The following EMX2 variants were observed in gnomAD, a reference collection of about 807,000 sequenced individuals.
The protein encoded by EMX2 is empty spiracles homeobox 2.
Under a neutral mutation model 23.0 loss-of-function variants are expected in EMX2, and 6 were observed. The ratio of observed to expected loss-of-function variants is 0.26; its 90% CI spans 0.14 to 0.52. The LOEUF (loss-of-function observed/expected upper bound fraction) is 0.52, where lower values mean the gene tolerates loss of function less well. Ranked by LOEUF, EMX2 falls within the 20% of genes least tolerant of loss-of-function variation. The pLI, the probability that EMX2 is intolerant of heterozygous loss-of-function variation, is 0.97. For missense variants in EMX2, 302 were observed against 341.4 expected (o/e 0.88, Z 0.91); for synonymous variants, 175 against 153.3 (o/e 1.14, Z -1.04).
chr10:117,543,534 G>C lies in EMX2; in HGVS notation c.267G>C (p.Pro89=). The C allele has an allele frequency of 6.4e-7, 1 of 1,567,966 alleles. No individual in the cohort carries two copies. The highest frequency in any genetic ancestry group is 1.1e-5 in the South Asian group (1 of 89,902). The change falls in exon 1 of 3, where the codon CCG becomes CCC. Residue 89 remains proline (P), a synonymous_variant. Coordinates refer to ENST00000553456, the MANE Select transcript of EMX2 (RefSeq NM_004098.4). ...CCGCCGTGCCAGTGCACCCGGTGCC[G>C]CCGCCGCACGCCCTGGCCGCCCACC... ...PNPAVPVHPV[P]PPHALAAHPL...
chr10:117,543,546 C>T lies in EMX2; in HGVS notation c.279C>T (p.Ala93=). ...TGCACCCGGTGCCGCCGCCGCACGC[C>T]CTGGCCGCCCACCCCCTACCCTCCT... ...VPVHPVPPPH[A]LAAHPLPSSH... The change falls in exon 1 of 3, where the codon GCC becomes GCT. Residue 93 remains alanine (A), a synonymous_variant. Transcript: ENST00000553456. The T allele has an allele frequency of 1.2e-6, 2 of 1,611,864 alleles. No individual in the cohort carries two copies. Among genetic ancestry groups the T allele is most frequent in the South Asian group, 1.1e-5 (1 of 91,042 alleles).
At chr10:117,546,874 G>C (rs1421583071) in intron 2 of EMX2, among the ~76,000 whole-genome samples, 1 of 152,262 alleles carries the variant, frequency 6.6e-6, no homozygotes, top group Non-Finnish European at 1.5e-5. Context: ...GGAGCACTTT[G>C]GGCGACTGTG....
At position 117,545,824 on chromosome 10, in the gene EMX2, C is replaced by G; in HGVS notation, c.591+8C>G. ...AGCCTCACGGAAACTCAGGTGACTG[C>G]GGCCCGGGCGCGAGGAACCCATCTA... On this transcript the variant is annotated splice_region_variant and intron_variant, in intron 2 of 2. Transcript: ENST00000553456. The G allele has an allele frequency of 1.2e-6, 2 of 1,613,672 alleles. No individual in the cohort carries two copies. The highest frequency in any genetic ancestry group is 1.7e-6 in the Non-Finnish European group (2 of 1,180,006).
intron 1 of EMX2, 138 bp from the exon 2 acceptor site, chr10:117,545,494 C>A: frequency 9.3e-7 from 1 of 1,072,432 alleles, no homozygotes; most frequent in Non-Finnish European, 1.3e-6. Flanking sequence ...CTTGGGAGGA[C>A]CACCGGCCCC....
Position 117,548,268 on chromosome 10 carries a change from G to A in EMX2, c.*36G>A, listed in dbSNP as rs376621996. ...CTAACCCCACAGAAACGGACAACAT[G>A]GAGCAAAAGAGACAGGGAGAGGTGG... On this transcript the variant is annotated 3_prime_UTR_variant, in exon 3 of 3. Transcript: ENST00000553456. 238 of 1,610,646 alleles carry A rather than the reference G, an allele frequency of 1.5e-4. No homozygotes were observed. In the South Asian group the frequency reaches 2.5e-3, roughly 17 times the overall value.
At position 117,543,356 on chromosome 10, in the gene EMX2, C is replaced by G; in HGVS notation, c.89C>G (p.Pro30Arg). ...CTGCCCGCCTCGCGCTCCGAGGACC[C>G]CATCCGTCCCGCGGCACTCAGCTAC... ...SPLPASRSED[P>R]IRPAALSYAN... is the part of the protein sequence containing the mutation. Residue 30 changes from proline to arginine, a missense_variant, in exon 1 of 3, where the codon CCC becomes CGC. This residue lies in a region of EMX2 where 221 missense variants were observed against 206.8 expected (regional missense o/e 1.07). Transcript: ENST00000553456. 6.4e-7 allele frequency: 1 copy of G among 1,564,446 alleles called. No individual in the cohort carries two copies. Among genetic ancestry groups the G allele is most frequent in the Non-Finnish European group, 8.7e-7 (1 of 1,155,214 alleles).
intron 2 of EMX2, 84 bp from the exon 3 acceptor site, chr10:117,547,980 AG>A: frequency 6.5e-7 from 1 of 1,530,668 alleles, no homozygotes; most frequent in South Asian, 1.2e-5. Context: ...CTGGAACTGG[AG>A]TCTGGGCTGG....
chr10:117,545,370 G>C (rs1398229321), intron 1 of EMX2: 1 of 386,800 alleles, frequency 2.6e-6, no homozygotes, highest in East Asian at 4.6e-5. Context: ...GGAGCCGGCC[G>C]AGGTCAGGAG....
rs755549724 is a variant in EMX2 at position 117,545,632 on chromosome 10, G to A, written c.407G>A (p.Gly136Glu). ...RYRYLGHRFQ[G>E]NDTSPESFLL... ...GGGATTTCTGCTGTGCTCCCCGCAG[G>A]GAACGACACTAGCCCCGAGAGTTTC... The change falls in exon 2 of 3, where the codon GGG becomes GAG. Residue 136 changes from glycine (G) to glutamate (E), a missense_variant and splice_region_variant. Physicochemically the swap from Gly to Glu is moderately conservative, Grantham distance 98. Coordinates refer to ENST00000553456, the MANE Select transcript of EMX2 (RefSeq NM_004098.4). 3 of 1,614,060 alleles carry A rather than the reference G, an allele frequency of 1.9e-6. No homozygotes were observed. Among genetic ancestry groups the A allele is most frequent in the Admixed American group, 1.7e-5 (1 of 60,032 alleles).
At position 117,549,033 on chromosome 10, in the gene EMX2, T is replaced by G. The variant is rs1444327823; in HGVS notation, c.*801T>G. On this transcript the variant is annotated 3_prime_UTR_variant, in exon 3 of 3. Coordinates refer to ENST00000553456, the MANE Select transcript of EMX2 (RefSeq NM_004098.4). ...AATGAAGTAGGCTCAGCGATAGTGG[T>G]CCTCTTACAGAGAAACGGGGAGCAG... 8.4e-6 allele frequency: 1 copy of G among 119,742 alleles called. No individual in the cohort carries two copies. The highest frequency in any genetic ancestry group is 1.6e-5 in the Non-Finnish European group (1 of 62,196). 7.4% of individuals were successfully genotyped at this position (119,742 alleles called of 1,614,324 possible). A position where few individuals can be genotyped will look rare whatever the true frequency, so the allele number is the denominator to read the frequency against.
intron 2 of EMX2, among the ~76,000 whole-genome samples, chr10:117,546,930 G>A (rs1056952996): frequency 1.3e-5 from 2 of 152,254 alleles, no homozygotes; most frequent in South Asian, 2.1e-4. Context: ...CTCAAAGGAG[G>A]GAATGGAATG....
chr10:117,546,974 TG>T (rs1398956808), intron 2 of EMX2, among the ~76,000 whole-genome samples: 15 of 152,244 alleles, frequency 9.9e-5, no homozygotes, highest in Middle Eastern at 6.8e-3. Flanking sequence ...CACTGGGCTG[TG>T]GGGTACTCTT....
rs1039454613 is a variant in EMX2 at position 117,548,583 on chromosome 10, G to A, written c.*351G>A. The stretch of plus-strand genomic sequence containing the variant: ...GAGAGAGAGAGAGAGAAAGCTGAAC[G>A]TGCACTCTGACAAGGGGAGCTGTCA... On this transcript the variant is annotated 3_prime_UTR_variant, in exon 3 of 3. Coordinates refer to ENST00000553456, the MANE Select transcript of EMX2 (RefSeq NM_004098.4). 1 of 515,856 alleles carries A rather than the reference G, an allele frequency of 1.9e-6. No individual in the cohort carries two copies. Among genetic ancestry groups the A allele is most frequent in the East Asian group, 3.1e-5 (1 of 32,634 alleles). The allele number at this position is 515,856 out of a possible 1,614,324, so 32.0% of individuals were successfully genotyped here.
rs1288916320 is a variant in EMX2, at chr10:117,549,518, G to C, written c.*1286G>C. The C allele has an allele frequency of 1.3e-5, 2 of 152,562 alleles. No individual in the cohort carries two copies. The highest frequency in any genetic ancestry group is 4.8e-5 in the African/African-American group (2 of 41,410). The allele number at this position is 152,562 out of a possible 1,614,324, so 9.5% of individuals were successfully genotyped here. Reference sequence around the variant, plus strand: ...AGAAGTATGTCAATGTCAATATTTTGTCAATAAAGATTTATCAATATGCCC... The same window carrying C: ...AGAAGTATGTCAATGTCAATATTTTCTCAATAAAGATTTATCAATATGCCC... On this transcript the variant is annotated 3_prime_UTR_variant, in exon 3 of 3. Transcript: ENST00000553456.
At chr10:117,547,376 T>A (rs1018805793) in intron 2 of EMX2, among the ~76,000 whole-genome samples, 12 of 152,218 alleles carry the variant, frequency 7.9e-5, no homozygotes, top group Admixed American at 5.2e-4. Context: ...CTTTCAGTTT[T>A]GAACTCATTT....
chr10:117,546,478 C>T (rs1057253236), intron 2 of EMX2, among the ~76,000 whole-genome samples: 3 of 152,064 alleles, frequency 2.0e-5, no homozygotes, highest in African/African-American at 7.2e-5. Flanking sequence ...GTACACGGAG[C>T]CGCAGGGCGG....
chr10:117,548,936 T>G lies in EMX2; in HGVS notation c.*704T>G. 3.1e-6 allele frequency: 1 copy of G among 319,160 alleles called. No individual in the cohort carries two copies. The highest frequency in any genetic ancestry group is 1.6e-4 in the South Asian group (1 of 6,314). 19.8% of individuals were successfully genotyped at this position (319,160 alleles called of 1,614,324 possible). On this transcript the variant is annotated 3_prime_UTR_variant, in exon 3 of 3. Coordinates refer to ENST00000553456, the MANE Select transcript of EMX2 (RefSeq NM_004098.4). ...TTCTGTGTGCTTTTTATTTTGATTTTTTTTCCCAAGAAATGTGCAGTCTGT... is the reference window on the plus strand; with the variant it reads ...TTCTGTGTGCTTTTTATTTTGATTTGTTTTCCCAAGAAATGTGCAGTCTGT...
Position 117,543,721 on chromosome 10 carries a change from T to A in EMX2, c.406+48T>A, listed in dbSNP as rs1287175795. The A allele has an allele frequency of 2.5e-6, 4 of 1,612,832 alleles. No homozygotes were observed. In the East Asian group the frequency reaches 8.9e-5, roughly 36 times the overall value. On this transcript the variant is annotated intron_variant, in intron 1 of 2. Coordinates refer to ENST00000553456, the MANE Select transcript of EMX2 (RefSeq NM_004098.4). The stretch of plus-strand genomic sequence containing the variant: ...GCAGCGCGCCGCTCCCGCCGCATCC[T>A]TCACTGCCCCCGGCCTGCTCCGGGT...
chr10:117,548,570 G>T lies in EMX2; in HGVS notation c.*338G>T. On this transcript the variant is annotated 3_prime_UTR_variant, in exon 3 of 3. Transcript: ENST00000553456. Reference sequence around the variant, plus strand: ...AGAAAGAGAGAGAGAGAGAGAGAGAGAGAAAGCTGAACGTGCACTCTGACA... The same window carrying T: ...AGAAAGAGAGAGAGAGAGAGAGAGATAGAAAGCTGAACGTGCACTCTGACA... The T allele has an allele frequency of 4.4e-6, 2 of 451,416 alleles. No individual in the cohort carries two copies. Among genetic ancestry groups the T allele is most frequent in the East Asian group, 3.3e-5 (1 of 30,042 alleles). 28.0% of individuals were successfully genotyped at this position (451,416 alleles called of 1,614,324 possible). A position where few individuals can be genotyped will look rare whatever the true frequency, so the allele number is the denominator to read the frequency against.
Sources: gnomAD v4.1 joint callset for allele counts (sites outside exome capture counted in the v4.1 genomes callset) on GRCh38, gnomAD v4.1.1 for gene constraint, gnomAD v4.1.1 regional missense constraint, MANE v1.5 for transcripts, NCBI Gene and HGNC (gene_info 2026-07-23, HGNC 2026-07-21) for gene names.